Variants in CES1 observed in about 807,000 individuals in gnomAD.
CES1 encodes liver carboxylesterase 1.
Under a neutral mutation model 53.0 loss-of-function variants are expected in CES1, and 50 were observed. That is an observed-to-expected ratio of 0.94 (90% CI 0.75 to 1.19). CES1 has a LOEUF of 1.19. Among genes scored for constraint, CES1 ranks in the 50% most tolerant of loss-of-function variants. The pLI is 0.00. For synonymous variants in CES1, 202 were observed against 210.1 expected (o/e 0.96, Z 0.33); for missense variants, 534 against 538.0 (o/e 0.99, Z 0.07).
chr16:55,809,711 T>A (rs2031602686), intron 11 of CES1, among the ~76,000 whole-genome samples: 1 of 152,204 alleles, frequency 6.6e-6, no homozygotes, highest in African/African-American at 2.4e-5. Flanking sequence ...ACACCCGCCC[T>A]GGCTCCTCTC....
chr16:55,820,044 G>A, intron 6 of CES1: 2 of 565,264 alleles, frequency 3.5e-6, no homozygotes, highest in Non-Finnish European at 6.4e-6. Context: ...TGCCCAACAT[G>A]GCACCAGGCC....
rs1313835291 is a variant in CES1 at position 55,810,598 on chromosome 16, T to G, written c.1237A>C (p.Lys413Gln). The G allele has an allele frequency of 3.1e-6, 5 of 1,614,074 alleles. No individual in the cohort carries two copies. Among genetic ancestry groups the G allele is most frequent in the Non-Finnish European group, 4.2e-6 (5 of 1,180,018 alleles). Residue 413 changes from lysine to glutamine, a missense_variant, in exon 11 of 14, where the codon AAA (lysine) becomes CAA (glutamine). By Grantham distance (53) the Lys-to-Gln change is moderately conservative (BLOSUM62 1). Around this residue, in one of 5 missense-constraint regions of CES1, gnomAD observed 269 missense variants for 206.6 expected, o/e 1.30. Coordinates refer to ENST00000360526, the MANE Select transcript of CES1 (RefSeq NM_001025195.2). The part of the protein sequence containing the change: ...KYLGGTDDTV[K>Q]KKDLFLDLIA... ...AAGTCCAGGAACAGGTCTTTCTTTT[T>G]GACAGTGTCGTCTGTTCCTCCTAAG...
rs28609211 is a variant in CES1 at position 55,827,669 on chromosome 16, G to T, written c.260+1098C>A. Among the ~76,000 whole-genome samples the T allele has an allele frequency of 9.5e-3, 1,451 of 152,200 alleles. 23 individuals are homozygous for T. The highest frequency in any genetic ancestry group is 0.034 in the African/African-American group (1,394 of 41,506). On this transcript the variant is annotated intron_variant, in intron 2 of 13. Coordinates refer to ENST00000360526, the MANE Select transcript of CES1 (RefSeq NM_001025195.2). ...TATAACTTAATGACCCCAAATAAAAGCTTGGGGAAATTAATTATGGTTCAA... is the reference window on the plus strand; with the variant it reads ...TATAACTTAATGACCCCAAATAAAATCTTGGGGAAATTAATTATGGTTCAA...
intron 9 of CES1, among the ~76,000 whole-genome samples, chr16:55,811,765 G>C (rs2031708379): frequency 5.1e-5 from 1 of 19,658 alleles, no homozygotes; most frequent in Admixed American, 7.8e-4. Context: ...CTGCCCTTTG[G>C]GATGTGAATC....
Position 55,821,501 on chromosome 16 carries a change from C to A in CES1, c.560G>T (p.Arg187Leu). The change falls in exon 5 of 14, where the codon CGG (arginine) becomes CTG (leucine). Residue 187 changes from arginine to leucine, a missense_variant. Transcript: ENST00000360526. Reference sequence around the variant, plus strand: ...CTGGTCCAGGTGACCCCAGTTCCCCCGGCTGTGTTCATCCCCTGTGCTGTG... The same window carrying A: ...CTGGTCCAGGTGACCCCAGTTCCCCAGGCTGTGTTCATCCCCTGTGCTGTG... ...GFFSTGDEHS[R>L]GNWGHLDQVA... 6.2e-7 allele frequency: 1 copy of A among 1,614,086 alleles called. No homozygotes were observed. Among genetic ancestry groups the A allele is most frequent in the Non-Finnish European group, 8.5e-7 (1 of 1,180,028 alleles).
chr16:55,825,338 A>G (rs551165483), intron 3 of CES1, among the ~76,000 whole-genome samples: 22 of 152,202 alleles, frequency 1.4e-4, no homozygotes, highest in African/African-American at 3.6e-4. Context: ...GAGACTGGCT[A>G]GACACAACAC....
In CES1 at chr16:55,825,098, T is replaced by C. The variant is rs1287350389; in HGVS notation, c.405+1053A>G. ...AAGATCCTTGAAGGCAGGGGCTGTG[T>C]GGAGTGGATTCATGTTCCTCCTTTC... On this transcript the variant is annotated intron_variant, in intron 3 of 13. Coordinates refer to ENST00000360526, the MANE Select transcript of CES1 (RefSeq NM_001025195.2). 6.6e-5 allele frequency among the ~76,000 whole-genome samples: 10 copies of C among 152,324 alleles called. No individual in the cohort carries two copies. The South Asian group carries it at 1.2e-3, about 19-fold the overall frequency.
chr16:55,831,494 G>A (rs2032671121), intron 1 of CES1, among the ~76,000 whole-genome samples: 2 of 150,632 alleles, frequency 1.3e-5, no homozygotes, highest in Non-Finnish European at 3.0e-5. Context: ...GAACATGGTG[G>A]GCACCTACTA....
In CES1 at chr16:55,819,559, C is replaced by T. The variant is rs779942599; in HGVS notation, c.882G>A (p.Glu294=). The T allele has an allele frequency of 8.1e-6, 13 of 1,614,024 alleles. No homozygotes were observed. Among genetic ancestry groups the T allele is most frequent in the Non-Finnish European group, 1.0e-5 (12 of 1,179,906 alleles). ...VHCLRQKTEE[E]LLETTLKMKF... ...CCATTTTCAATGTCGTCTCCAAGAG[C>T]TCCTCTTCCGTCTTCTGTCGCAGGC... Residue 294 remains glutamate, a synonymous_variant, in exon 7 of 14, where the codon GAG becomes GAA. Coordinates refer to ENST00000360526, the MANE Select transcript of CES1 (RefSeq NM_001025195.2).
In CES1 at chr16:55,819,533, A is replaced by G; in HGVS notation, c.906+2T>C. Reference sequence around the variant, plus strand: ...TTTGGGCTACGGGAACAGGCAACCTACCATTTTCAATGTCGTCTCCAAGAG... The same window carrying G: ...TTTGGGCTACGGGAACAGGCAACCTGCCATTTTCAATGTCGTCTCCAAGAG... On this transcript the variant is annotated splice_donor_variant, in intron 7 of 13. Coordinates refer to ENST00000360526, the MANE Select transcript of CES1 (RefSeq NM_001025195.2). LOFTEE classifies it high-confidence loss of function. The G allele has an allele frequency of 6.2e-7, 1 of 1,609,766 alleles. No individual in the cohort carries two copies. Among genetic ancestry groups the G allele is most frequent in the South Asian group, 1.1e-5 (1 of 91,026 alleles).
chr16:55,808,790 G>C (rs2031549015), intron 11 of CES1, among the ~76,000 whole-genome samples: 1 of 152,106 alleles, frequency 6.6e-6, no homozygotes, highest in South Asian at 2.1e-4. Flanking sequence ...GGAATGCTTT[G>C]ATGAGTTTGT....
In CES1 at chr16:55,816,945, G is replaced by T. The variant is rs752740115; in HGVS notation, c.924C>A (p.Asp308Glu). Reference sequence around the variant, plus strand: ...TTACCTCTCTGGGGTCTCCCTGTAAGTCCAGAGATAAGAATTTCTGTGAAG... The same window carrying T: ...TTACCTCTCTGGGGTCTCCCTGTAATTCCAGAGATAAGAATTTCTGTGAAG... Reference protein sequence around the residue: ...TTLKMKFLSLDLQGDPRESQP... With the variant: ...TTLKMKFLSLELQGDPRESQP... Residue 308 changes from aspartate to glutamate, a missense_variant, in exon 8 of 14, where the codon GAC becomes GAA. Physicochemically the swap from Asp to Glu is conservative, Grantham distance 45. This residue lies in a region of CES1 where 269 missense variants were observed against 206.6 expected (regional missense o/e 1.30). Transcript: ENST00000360526. The T allele has an allele frequency of 1.2e-6, 2 of 1,614,174 alleles. No individual in the cohort carries two copies. The highest frequency in any genetic ancestry group is 2.2e-5 in the South Asian group (2 of 91,084).
intron 1 of CES1, among the ~76,000 whole-genome samples, chr16:55,831,157 A>G (rs1373293052): frequency 5.7e-5 from 8 of 140,174 alleles, no homozygotes; most frequent in Non-Finnish European, 9.3e-5. Context: ...AGGGAAGAGA[A>G]AAAAAAACAA....
At chr16:55,812,744 C>T (rs1404611639) in intron 9 of CES1, among the ~76,000 whole-genome samples, 159 bp downstream of exon 9, 7 of 152,122 alleles carry the variant, frequency 4.6e-5, no homozygotes, top group African/African-American at 1.7e-4. Flanking sequence ...AAAACTGTGC[C>T]CTCCTGGAGA....
chr16:55,832,711 A>T (rs1351960957), intron 1 of CES1, among the ~76,000 whole-genome samples: 3 of 152,232 alleles, frequency 2.0e-5, no homozygotes, highest in Non-Finnish European at 4.4e-5. Context: ...ATTAAGGGAC[A>T]GCAAACTGAG....
intron 7 of CES1, among the ~76,000 whole-genome samples, 187 bp downstream of exon 7, chr16:55,819,348 A>AT (rs2032075307): frequency 6.6e-6 from 1 of 152,290 alleles, no homozygotes; most frequent in Middle Eastern, 3.4e-3. Context: ...TTATCATGTT[A>AT]TTTTTTGACT....
intron 8 of CES1, 124 bp downstream of exon 8, chr16:55,816,800 C>T: frequency 8.2e-7 from 1 of 1,216,316 alleles, no homozygotes; most frequent in Non-Finnish European, 1.2e-6. Context: ...CCTCTCTGGG[C>T]CTCAGAAACA....
At chr16:55,819,888 T>C (rs1232538257) in intron 6 of CES1, 1 of 610,186 alleles carries the variant, frequency 1.6e-6, no homozygotes. Context: ...ATGGACATAA[T>C]CATCTCAAGG....
intron 8 of CES1, among the ~76,000 whole-genome samples, chr16:55,815,591 T>A (rs1267032667): frequency 6.6e-6 from 1 of 152,148 alleles, no homozygotes; most frequent in African/African-American, 2.4e-5. Context: ...CTCCTCCCCG[T>A]TTCTTACCCC....
Sources: allele counts gnomAD v4.1 joint callset (sites outside exome capture counted in the v4.1 genomes callset), GRCh38; gene constraint gnomAD v4.1.1; regional missense constraint gnomAD v4.1.1; transcripts MANE v1.5; gene names NCBI Gene and HGNC (gene_info 2026-07-23, HGNC 2026-07-21).